Variants in BPIFC observed in about 807,000 individuals in gnomAD.
BPIFC encodes BPI fold-containing family C protein.
BPIFC carries 60 observed loss-of-function variants against 57.6 expected under a neutral mutation model. The ratio of observed to expected loss-of-function variants is 1.04; its 90% CI spans 0.85 to 1.29. The LOEUF (loss-of-function observed/expected upper bound fraction) is 1.29, where lower values mean the gene tolerates loss of function less well. Ranked by LOEUF, BPIFC falls within the 50% of genes most tolerant of loss-of-function variation. BPIFC has a pLI of 0.00. For missense variants in BPIFC, 581 were observed against 600.5 expected (o/e 0.97, Z 0.34); for synonymous variants, 243 against 224.5 (o/e 1.08, Z -0.74).
At chr22:32,417,697 C>A (rs1298800692) in intron 14 of BPIFC, among the ~76,000 whole-genome samples, 1 of 152,172 alleles carries the variant, frequency 6.6e-6, no homozygotes, top group African/African-American at 2.4e-5. Flanking sequence ...ATGGTGCCAG[C>A]AAATGTGGCA....
At chr22:32,449,430 G>T (rs1233824565) in intron 4 of BPIFC, among the ~76,000 whole-genome samples, 1 of 152,184 alleles carries the variant, frequency 6.6e-6, no homozygotes, top group Admixed American at 6.5e-5. Context: ...ACAATTATTT[G>T]CTAATAATAT....
At chr22:32,456,655 T>C (rs1376470733) in intron 3 of BPIFC, among the ~76,000 whole-genome samples, 1 of 152,152 alleles carries the variant, frequency 6.6e-6, no homozygotes, top group Non-Finnish European at 1.5e-5. Context: ...AACAGGTCCA[T>C]ATACTTTGAT....
chr22:32,431,249 G>C lies in BPIFC; in HGVS notation c.1217+98C>G, dbSNP rs539959512. The C allele has an allele frequency of 1.2e-5, 13 of 1,062,876 alleles. No homozygotes were observed. In the African/African-American group the frequency reaches 2.0e-4, roughly 16 times the overall value. The allele number at this position is 1,062,876 out of a possible 1,614,324, so 65.8% of individuals were successfully genotyped here. A position where few individuals can be genotyped will look rare whatever the true frequency, so the allele number is the denominator to read the frequency against. ...CTGCCTCAGCCTCCTGAGTAGCTGA[G>C]ATTACAGATCACTTGTTTTCTTAAT... On this transcript the variant is annotated intron_variant, in intron 13 of 16. Transcript: ENST00000300399.
intron 13 of BPIFC, among the ~76,000 whole-genome samples, chr22:32,420,098 A>G (rs1933800628): frequency 6.6e-6 from 1 of 152,064 alleles, no homozygotes; most frequent in Non-Finnish European, 1.5e-5. Context: ...CGGGCGGATC[A>G]TGAGGTCAGG....
Position 32,437,474 on chromosome 22 carries a change from T to C in BPIFC, c.747+286A>G, listed in dbSNP as rs558669943. ...GGTATGATCTCGGCTCACTGCAACC[T>C]CTGCCTTCCAGGTTCAAGCAATTCT... On this transcript the variant is annotated intron_variant, in intron 9 of 16. Transcript: ENST00000300399. Among the ~76,000 whole-genome samples, 197 of 152,282 alleles carry C rather than the reference T, an allele frequency of 1.3e-3. 2 individuals are homozygous for C. Among genetic ancestry groups the C allele is most frequent in the African/African-American group, 4.3e-3 (179 of 41,556 alleles).
rs71320927 is a variant in BPIFC at position 32,457,559 on chromosome 22, GTCCATCCA to G, written c.1-181_1-174del. ...CATCCATCCATCCAACCATCCATCC[GTCCATCCA>G]TCCATCCATCCATCCATCCATCCAT... On this transcript the variant is annotated intron_variant, in intron 2 of 16. Coordinates refer to ENST00000300399, the MANE Select transcript of BPIFC (RefSeq NM_174932.3). 6.3e-3 allele frequency among the ~76,000 whole-genome samples: 932 copies of G among 148,892 alleles called. 10 individuals are homozygous for G. Among genetic ancestry groups the G allele is most frequent in the African/African-American group, 0.021 (834 of 40,206 alleles).
intron 11 of BPIFC, among the ~76,000 whole-genome samples, 172 bp downstream of exon 11, chr22:32,433,547 C>T (rs1045622509): frequency 6.6e-6 from 1 of 152,134 alleles, no homozygotes; most frequent in African/African-American, 2.4e-5. Flanking sequence ...GTTAATTGCA[C>T]TTTAAACTGT....
Position 32,419,416 on chromosome 22 carries a change from C to T in BPIFC, c.1218-12G>A. 1 of 1,611,690 alleles carries T rather than the reference C, an allele frequency of 6.2e-7. No individual in the cohort carries two copies. Among genetic ancestry groups the T allele is most frequent in the South Asian group, 1.1e-5 (1 of 90,888 alleles). On this transcript the variant is annotated splice_polypyrimidine_tract_variant and intron_variant, in intron 13 of 16. Coordinates refer to ENST00000300399, the MANE Select transcript of BPIFC (RefSeq NM_174932.3). ...AAGCAAGGCGGAATCTAAAAGAAAA[C>T]AAGAAAAGTTTAAAGGATTTGAAAA... is the stretch of plus-strand genomic sequence containing the variant.
intron 4 of BPIFC, 40 bp from the exon 5 acceptor site, chr22:32,447,380 G>A: frequency 6.3e-7 from 1 of 1,594,332 alleles, no homozygotes; most frequent in Non-Finnish European, 8.6e-7. Context: ...GACTCTTCCA[G>A]CACATCTCTT....
chr22:32,437,925 C>A (rs373168537), intron 8 of BPIFC, 74 bp from the exon 9 acceptor site: 7 of 784,046 alleles, frequency 8.9e-6, no homozygotes, highest in Admixed American at 5.2e-5. Context: ...TGATGTCTAT[C>A]TAGAACAATA....
In BPIFC at chr22:32,432,484, AG is replaced by A; in HGVS notation, c.1037del (p.Pro346LeufsTer3). 1 of 1,614,082 alleles carries A rather than the reference AG, an allele frequency of 6.2e-7. No individual in the cohort carries two copies. Among genetic ancestry groups the A allele is most frequent in the Non-Finnish European group, 8.5e-7 (1 of 1,180,006 alleles). Reference sequence around the variant, plus strand: ...TGCCTGGTTGTAGATTGATTATGGGAGGCTCTGTGGCCATGATCCTCACCAT... The same window carrying A: ...TGCCTGGTTGTAGATTGATTATGGGAGCTCTGTGGCCATGATCCTCACCAT... ...PFMVRIMATE[P>X]PIINLQPGNF... On this transcript the variant is annotated frameshift_variant, in exon 12 of 17. Coordinates refer to ENST00000300399, the MANE Select transcript of BPIFC (RefSeq NM_174932.3). LOFTEE classifies it high-confidence loss of function.
At position 32,460,031 on chromosome 22, in the gene BPIFC, G is replaced by C. The variant is rs12485021; in HGVS notation, c.-1+1543C>G. 5.8e-3 allele frequency among the ~76,000 whole-genome samples: 890 copies of C among 152,206 alleles called. 20 individuals are homozygous for C. Among genetic ancestry groups the C allele is most frequent in the Admixed American group, 0.05 (762 of 15,284 alleles). On this transcript the variant is annotated intron_variant, in intron 2 of 16. Transcript: ENST00000300399. The stretch of plus-strand genomic sequence containing the variant: ...GAGCCCTTGGCCGAAGTAGGTGAGA[G>C]GTTTGATTAAGGGGGGTGAGTAGGC...
chr22:32,417,339 C>G (rs1214833076), intron 14 of BPIFC, among the ~76,000 whole-genome samples, 191 bp from the exon 15 acceptor site: 1 of 151,928 alleles, frequency 6.6e-6, no homozygotes, highest in South Asian at 2.1e-4. Context: ...CTACACCTGG[C>G]TAAGTTAAAA....
chr22:32,419,475 A>G, intron 13 of BPIFC, 71 bp from the exon 14 acceptor site: 1 of 1,409,816 alleles, frequency 7.1e-7, no homozygotes, highest in South Asian at 1.2e-5. Context: ...CAAAAAGTAA[A>G]AGGATATTTT....
At chr22:32,429,375 T>G (rs576231800) in intron 13 of BPIFC, among the ~76,000 whole-genome samples, 2 of 151,616 alleles carry the variant, frequency 1.3e-5, no homozygotes, top group African/African-American at 2.4e-5. Flanking sequence ...CCCAGCTAAT[T>G]TTTTGCATTT....
intron 8 of BPIFC, among the ~76,000 whole-genome samples, chr22:32,440,209 C>A (rs996501693): frequency 1.3e-5 from 2 of 152,186 alleles, no homozygotes; most frequent in African/African-American, 4.8e-5. Flanking sequence ...GATCTTGGCT[C>A]ACTGCAGCCT....
chr22:32,457,095 C>G (rs1201453970), intron 3 of BPIFC, among the ~76,000 whole-genome samples, 168 bp downstream of exon 3: 1 of 152,168 alleles, frequency 6.6e-6, no homozygotes, highest in East Asian at 1.9e-4. Context: ...ATTTTTTAGG[C>G]AACGCTTTCT....
intron 11 of BPIFC, among the ~76,000 whole-genome samples, chr22:32,433,070 G>T (rs1212395149): frequency 6.6e-6 from 1 of 152,176 alleles, no homozygotes; most frequent in Admixed American, 6.5e-5. Context: ...GGGCATAGTG[G>T]CTTGTGCCTG....
intron 13 of BPIFC, 89 bp downstream of exon 13, chr22:32,431,258 T>A: frequency 8.8e-7 from 1 of 1,141,400 alleles, no homozygotes; most frequent in Non-Finnish European, 1.3e-6. Flanking sequence ...AGATTACAGA[T>A]CACTTGTTTT....
Sources: allele counts gnomAD v4.1 joint callset (sites outside exome capture counted in the v4.1 genomes callset), GRCh38; gene constraint gnomAD v4.1.1; transcripts MANE v1.5; gene names NCBI Gene and HGNC (gene_info 2026-07-23, HGNC 2026-07-21).